CLU: variants seen among roughly 807,000 people sequenced by gnomAD.
CLU encodes clusterin, also known as aging-associated protein 4.
Under a neutral mutation model 46.4 loss-of-function variants are expected in CLU, and 25 were observed. The observed-to-expected ratio is 0.54, with a 90% CI of 0.39 to 0.75. CLU has a LOEUF of 0.75. Among genes scored for constraint, CLU ranks in the 30% least tolerant of loss-of-function variants. The pLI is 0.00. For synonymous variants in CLU, 235 were observed against 235.1 expected (o/e 1.00, Z 0.00); for missense variants, 504 against 592.1 (o/e 0.85, Z 1.54).
chr8:27,600,554 A>G (rs937625746), intron 6 of CLU, among the ~76,000 whole-genome samples: 1 of 152,136 alleles, frequency 6.6e-6, no homozygotes, highest in African/African-American at 2.4e-5. Flanking sequence ...AAATACGCCA[A>G]CTGACCTAAA....
intron 6 of CLU, among the ~76,000 whole-genome samples, chr8:27,602,823 G>T (rs1436279892): frequency 6.6e-6 from 1 of 152,110 alleles, no homozygotes; most frequent in Non-Finnish European, 1.5e-5. Context: ...CCAGAACTTT[G>T]GGAGGCCGAG....
At chr8:27,604,878 A>G (rs1216252169) in intron 5 of CLU, 46 bp downstream of exon 5, 20 of 1,606,934 alleles carry the variant, frequency 1.2e-5, no homozygotes, top group East Asian at 2.2e-5. Flanking sequence ...GGTTCTCAGC[A>G]TCTAACGAGT....
chr8:27,605,282 G>T lies in CLU; in HGVS notation c.471C>A (p.Asp157Glu), dbSNP rs934124362. The T allele has an allele frequency of 6.2e-7, 1 of 1,614,080 alleles. No individual in the cohort carries two copies. The highest frequency in any genetic ancestry group is 2.2e-5 in the East Asian group (1 of 44,892). Residue 157 changes from aspartate (D) to glutamate (E), a missense_variant, in exon 5 of 9, where the codon GAC becomes GAA. By Grantham distance (45) the Asp-to-Glu change is conservative. Coordinates refer to ENST00000316403, the MANE Select transcript of CLU (RefSeq NM_001831.4). ...CGTTCTCCAGCAGGGAGTCGATGCG[G>T]TCACCATTCATCCAGAAGTAGAAGG... ...SSPFYFWMNGDRIDSLLENDR... is the reference protein window; with the variant it reads ...SSPFYFWMNGERIDSLLENDR...
Position 27,598,128 on chromosome 8 carries a change from G to T in CLU, c.*113C>A, listed in dbSNP as rs1800643373. On this transcript the variant is annotated 3_prime_UTR_variant, in exon 9 of 9. Coordinates refer to ENST00000316403, the MANE Select transcript of CLU (RefSeq NM_001831.4). Reference sequence around the variant, plus strand: ...GGCTGGGCGGAGTTGGGGGCCTGGAGGCTGGGGCCTGGTTACTTGGTGACG... The same window carrying T: ...GGCTGGGCGGAGTTGGGGGCCTGGATGCTGGGGCCTGGTTACTTGGTGACG... 9.3e-7 allele frequency: 1 copy of T among 1,072,490 alleles called. No homozygotes were observed. Among genetic ancestry groups the T allele is most frequent in the Non-Finnish European group, 1.4e-6 (1 of 700,856 alleles). 66.4% of individuals were successfully genotyped at this position (1,072,490 alleles called of 1,614,324 possible). A position where few individuals can be genotyped will look rare whatever the true frequency, so the allele number is the denominator to read the frequency against.
intron 3 of CLU, 31 bp from the exon 4 acceptor site, chr8:27,606,555 C>T: frequency 6.2e-7 from 1 of 1,613,200 alleles, no homozygotes; most frequent in South Asian, 1.1e-5. Flanking sequence ...GGCTGAGCCA[C>T]ACAGAGACCA....
chr8:27,605,325 A>G lies in CLU; in HGVS notation c.428T>C (p.Phe143Ser). The change falls in exon 5 of 9, where the codon TTC (phenylalanine) becomes TCC (serine). Residue 143 changes from phenylalanine (F) to serine (S), a missense_variant. Phe to Ser is a radical substitution (Grantham distance 155, BLOSUM62 -2). Around this residue, in one of 3 missense-constraint regions of CLU, gnomAD observed 428 missense variants for 484.0 expected, o/e 0.88. Transcript: ENST00000316403. The part of the protein sequence containing the change: ...SGLVGRQLEE[F>S]LNQSSPFYFW... ...GTAGAAGGGCGAGCTCTGGTTCAGG[A>G]ACTCCTCAAGCTGGGACAGCCAGCA... is the stretch of plus-strand genomic sequence containing the variant. 6.2e-7 allele frequency: 1 copy of G among 1,614,138 alleles called. No homozygotes were observed. Among genetic ancestry groups the G allele is most frequent in the Non-Finnish European group, 8.5e-7 (1 of 1,180,010 alleles).
At chr8:27,604,812 A>G in intron 5 of CLU, 112 bp downstream of exon 5, 1 of 1,245,210 alleles carries the variant, frequency 8.0e-7, no homozygotes, top group Middle Eastern at 2.6e-4. Flanking sequence ...GGATAATATC[A>G]CCCTTGTGAT....
chr8:27,607,690 ACTTTTC>A (rs942570944), intron 3 of CLU, among the ~76,000 whole-genome samples: 1 of 151,626 alleles, frequency 6.6e-6, no homozygotes, highest in Non-Finnish European at 1.5e-5. Context: ...TTATGGAAAA[ACTTTTC>A]CTTTTCTACT....
At chr8:27,604,003 T>C (rs1172585564) in intron 6 of CLU, among the ~76,000 whole-genome samples, 1 of 152,198 alleles carries the variant, frequency 6.6e-6, no homozygotes, top group Non-Finnish European at 1.5e-5. Flanking sequence ...ATGACTTTTT[T>C]CAACAAGCTT....
At chr8:27,600,156 C>A (rs1307353016) in intron 6 of CLU, 147 bp from the exon 7 acceptor site, 1 of 688,696 alleles carries the variant, frequency 1.5e-6, no homozygotes, top group African/African-American at 1.8e-5. Context: ...GAATTGTCCA[C>A]GACAAAATAA....
Position 27,600,550 on chromosome 8 carries a change from G to A in CLU, c.935-541C>T, listed in dbSNP as rs539514758. Reference sequence around the variant, plus strand: ...GAGAAGCCTTGCTCTGGAAAAATACGCCAACTGACCTAAACAGTGTGCTTC... The same window carrying A: ...GAGAAGCCTTGCTCTGGAAAAATACACCAACTGACCTAAACAGTGTGCTTC... On this transcript the variant is annotated intron_variant, in intron 6 of 8. Transcript: ENST00000316403. Among the ~76,000 whole-genome samples, 345 of 152,256 alleles carry A rather than the reference G, an allele frequency of 2.3e-3. 1 individual carries two copies. Among genetic ancestry groups the A allele is most frequent in the Non-Finnish European group, 3.5e-3 (238 of 68,016 alleles).
chr8:27,598,595 A>C lies in CLU; in HGVS notation c.1205T>G (p.Val402Gly), dbSNP rs777278441. Residue 402 changes from valine (V) to glycine (G), a missense_variant, in exon 8 of 9, where the codon GTC becomes GGC. This residue lies in a region of CLU where 428 missense variants were observed against 484.0 expected (regional missense o/e 0.88). Coordinates refer to ENST00000316403, the MANE Select transcript of CLU (RefSeq NM_001831.4). ...HTSDSDVPSG[V>G]TEVVVKLFDS... is the part of the protein sequence containing the mutation. ...AAAGAGCTTCACGACCACCTCAGTG[A>C]CACCGGAAGGAACGTCCGAGTCAGA... The C allele has an allele frequency of 6.2e-7, 1 of 1,614,194 alleles. No individual in the cohort carries two copies. The highest frequency in any genetic ancestry group is 1.3e-5 in the African/African-American group (1 of 75,058).
At chr8:27,602,915 A>G (rs1042653156) in intron 6 of CLU, among the ~76,000 whole-genome samples, 3 of 151,948 alleles carry the variant, frequency 2.0e-5, no homozygotes, top group Non-Finnish European at 2.9e-5. Flanking sequence ...AAATACAAAA[A>G]TTAGCTGGGT....
At chr8:27,600,722 T>C (rs1800704775) in intron 6 of CLU, among the ~76,000 whole-genome samples, 1 of 152,172 alleles carries the variant, frequency 6.6e-6, no homozygotes, top group African/African-American at 2.4e-5. Context: ...CTCCCGGGAA[T>C]CATTTCCAGA....
In CLU at chr8:27,599,920, T is replaced by C. The variant is rs1337647693; in HGVS notation, c.1024A>G (p.Asn342Asp). The C allele has an allele frequency of 3.7e-6, 6 of 1,614,094 alleles. No individual in the cohort carries two copies. The highest frequency in any genetic ancestry group is 5.1e-6 in the Non-Finnish European group (6 of 1,180,042). Residue 342 changes from asparagine to aspartate, a missense_variant, in exon 7 of 9, where the codon AAC (asparagine) becomes GAC (aspartate). Asn to Asp is a conservative substitution (Grantham distance 23, BLOSUM62 1). This residue lies in a region of CLU where 428 missense variants were observed against 484.0 expected (regional missense o/e 0.88). Coordinates refer to ENST00000316403, the MANE Select transcript of CLU (RefSeq NM_001831.4). The surrounding 1 kb of genome is among the most constrained non-coding windows in gnomAD (Gnocchi z 4.0). ...QVAERLTRKY[N>D]ELLKSYQWKM... is the part of the protein sequence containing the mutation. ...CACTGGTAGGACTTTAGCAGCTCGT[T>C]GTATTTCCTGGTCAACCTCTCAGCG...
In CLU at chr8:27,599,731, TCACAGCTCGGGCTCCCGAGC is replaced by T. The variant is rs1410956256; in HGVS notation, c.1164+29_1164+48del. 3 of 1,398,540 alleles carry T rather than the reference TCACAGCTCGGGCTCCCGAGC, an allele frequency of 2.1e-6. No individual in the cohort carries two copies. Among genetic ancestry groups the T allele is most frequent in the East Asian group, 2.4e-5 (1 of 41,254 alleles). The allele number at this position is 1,398,540 out of a possible 1,614,324, so 86.6% of individuals were successfully genotyped here. A position where few individuals can be genotyped will look rare whatever the true frequency, so the allele number is the denominator to read the frequency against. ...AAAGCACACATGCCCCTGCTCCCGA[TCACAGCTCGGGCTCCCGAGC>T]CACAGCATGTGGCCGGGACACAGCT... is the stretch of plus-strand genomic sequence containing the variant. On this transcript the variant is annotated intron_variant, in intron 7 of 8. Transcript: ENST00000316403. The surrounding 1 kb of genome is among the most constrained non-coding windows in gnomAD (Gnocchi z 4.0).
chr8:27,603,952 CT>C (rs1216356167), intron 6 of CLU, among the ~76,000 whole-genome samples: 6 of 152,226 alleles, frequency 3.9e-5, no homozygotes, highest in Admixed American at 3.9e-4. Flanking sequence ...GCCTACTGCG[CT>C]TGGCGCTTGG....
chr8:27,612,708 C>T (rs575889616), intron 1 of CLU, among the ~76,000 whole-genome samples: 1 of 151,940 alleles, frequency 6.6e-6, no homozygotes, highest in Non-Finnish European at 1.5e-5. Flanking sequence ...ACTGCACAGC[C>T]GACCTCCTTT....
rs1800825822 is a variant in CLU at position 27,606,535 on chromosome 8, A to G, written c.247-11T>C. On this transcript the variant is annotated splice_polypyrimidine_tract_variant and intron_variant, in intron 3 of 8. Coordinates refer to ENST00000316403, the MANE Select transcript of CLU (RefSeq NM_001831.4). ...CTCATTTAGGGCATCCTACAGGAAG[A>G]CACAAGGCTGGCTGAGCCACACAGA... 6.2e-7 allele frequency: 1 copy of G among 1,614,050 alleles called. No homozygotes were observed. The highest frequency in any genetic ancestry group is 8.5e-7 in the Non-Finnish European group (1 of 1,180,012).
Sources: allele counts gnomAD v4.1 joint callset (sites outside exome capture counted in the v4.1 genomes callset), GRCh38; gene constraint gnomAD v4.1.1; regional missense constraint gnomAD v4.1.1; non-coding constraint Gnocchi (gnomAD v3.1); transcripts MANE v1.5; gene names NCBI Gene and HGNC (gene_info 2026-07-23, HGNC 2026-07-21).